The following ZNF577 variants were observed in gnomAD, a reference collection of about 807,000 sequenced individuals.
The protein encoded by ZNF577 is zinc finger protein 577.
Under a neutral mutation model 13.9 loss-of-function variants are expected in ZNF577, and 14 were observed. The observed-to-expected ratio is 1.00, with a 90% CI of 0.66 to 1.57. ZNF577 has a LOEUF of 1.57. ZNF577 is among the 40% of genes most tolerant of loss of function. The pLI, the probability that ZNF577 is intolerant of heterozygous loss-of-function variation, is 0.00. For synonymous variants in ZNF577, 203 were observed against 202.9 expected, an observed-to-expected ratio of 1.00 and a Z score of 0.00; for missense variants, 555 against 579.2, an observed-to-expected ratio of 0.96 and a Z score of 0.43.
chr19:51,821,791 C>T (rs1367337301), intron 9 of ZNF577, among the ~76,000 whole-genome samples: 1 of 151,470 alleles, frequency 6.6e-6, no homozygotes, highest in Non-Finnish European at 1.5e-5. Context: ...AAAAAAAAAC[C>T]TACAAAAACC....
downstream of ZNF577, among the ~76,000 whole-genome samples, chr19:51,864,881 GAGA>G (rs767514908): frequency 1.3e-5 from 2 of 152,306 alleles, no homozygotes; most frequent in Non-Finnish European, 2.9e-5. Context: ...AAGGCTTTGG[GAGA>G]AGGAGATGCC....
At chr19:51,840,983 A>G (rs1028551732) in intron 8 of ZNF577, 3 of 152,144 alleles carry the variant, frequency 2.0e-5, no homozygotes, top group Non-Finnish European at 2.9e-5. Flanking sequence ...TTTTCTGTCT[A>G]TATCTCCTGC....
intron 5 of ZNF577, among the ~76,000 whole-genome samples, chr19:51,855,431 T>C (rs1034053346): frequency 1.3e-5 from 2 of 150,686 alleles, no homozygotes; most frequent in Admixed American, 1.3e-4. Flanking sequence ...TCAAGCAGTT[T>C]GTAAGTCTAC....
rs200889855 is a variant in ZNF577 at position 51,878,386 on chromosome 19, T to C, written c.187+3A>G. 90 of 1,613,858 alleles carry C rather than the reference T, an allele frequency of 5.6e-5. No individual in the cohort carries two copies. Among genetic ancestry groups the C allele is most frequent in the Non-Finnish European group, 7.6e-5 (90 of 1,179,768 alleles). ...AGGTAAGTGACGGCAATGCTGTCCTTACCTATTGATACTAGGTTGATGTAG... is the reference window on the plus strand; with the variant it reads ...AGGTAAGTGACGGCAATGCTGTCCTCACCTATTGATACTAGGTTGATGTAG... On this transcript the variant is annotated splice_donor_region_variant and intron_variant, in intron 4 of 5. Coordinates refer to ENST00000638348, the MANE Select transcript of ZNF577 (RefSeq NM_001370449.1).
chr19:51,881,517 C>T (rs1464298501), intron 1 of ZNF577, among the ~76,000 whole-genome samples: 1 of 152,150 alleles, frequency 6.6e-6, no homozygotes, highest in African/African-American at 2.4e-5. Context: ...CTGAGGCTTG[C>T]TGAGACAACG....
intron 5 of ZNF577, chr19:51,860,937 G>A (rs2122602071): frequency 2.4e-6 from 1 of 419,264 alleles, no homozygotes; most frequent in Non-Finnish European, 4.7e-6. Flanking sequence ...TAGCTTTCCT[G>A]CATTCCCTCC....
chr19:51,856,537 C>T (rs1161173741), intron 5 of ZNF577, among the ~76,000 whole-genome samples: 1 of 152,202 alleles, frequency 6.6e-6, no homozygotes, highest in Non-Finnish European at 1.5e-5. Context: ...GCCTCTACAT[C>T]GCTAAGTCAA....
At position 51,873,260 on chromosome 19, in the gene ZNF577, A is replaced by T. The variant is rs2084694632; in HGVS notation, c.730T>A (p.Cys244Ser). The T allele has an allele frequency of 2.5e-6, 4 of 1,613,056 alleles. No homozygotes were observed. The East Asian group carries it at 8.9e-5, about 36-fold the overall frequency. ...RTHTGEKPYR[C>S]SKCGKAFSRK... ...CTGAAGGCTTTTCCGCATTTGCTGC[A>T]TCTGTAGGGTTTCTCTCCTGTATGG... Residue 244 changes from cysteine to serine, a missense_variant, in exon 6 of 6, where the codon TGC becomes AGC. Physicochemically the swap from Cys to Ser is moderately radical, Grantham distance 112. Transcript: ENST00000638348.
At chr19:51,865,492 C>T (rs888429784), downstream of ZNF577, among the ~76,000 whole-genome samples, 5 of 152,198 alleles carry the variant, frequency 3.3e-5, no homozygotes, top group African/African-American at 1.2e-4. Context: ...ATATGATTCA[C>T]TCAGGTCTGT....
At chr19:51,859,428 T>C (rs950131038) in intron 5 of ZNF577, among the ~76,000 whole-genome samples, 2 of 152,192 alleles carry the variant, frequency 1.3e-5, no homozygotes, top group African/African-American at 4.8e-5. Flanking sequence ...ACCAAAGGAA[T>C]GGCATATTAT....
In ZNF577 at chr19:51,875,365, A is replaced by C. The variant is rs1483835948; in HGVS notation, c.284-1659T>G. ...GCAACAAAAGCAAAACTCTGTCACA[A>C]AAAAAAAAAAAAAAAAAAAGAGAGA... On this transcript the variant is annotated intron_variant, in intron 5 of 5. Coordinates refer to ENST00000638348, the MANE Select transcript of ZNF577 (RefSeq NM_001370449.1). Among the ~76,000 whole-genome samples the C allele has an allele frequency of 6.0e-5, 7 of 116,564 alleles. No individual in the cohort carries two copies. In the Admixed American group the frequency reaches 6.5e-4, roughly 11 times the overall value. 76.5% of individuals were successfully genotyped at this position (116,564 alleles called of 152,430 possible).
chr19:51,851,153 T>G (rs1301054959), intron 5 of ZNF577, among the ~76,000 whole-genome samples: 1 of 152,190 alleles, frequency 6.6e-6, no homozygotes, highest in East Asian at 1.9e-4. Context: ...GATAAATATT[T>G]GAAAAATAGC....
In ZNF577 at chr19:51,879,070, A is replaced by C. The variant is rs571937968; in HGVS notation, c.61-555T>G. 9.9e-5 allele frequency among the ~76,000 whole-genome samples: 15 copies of C among 152,112 alleles called. No individual in the cohort carries two copies. In the South Asian group the frequency reaches 2.9e-3, roughly 29 times the overall value. ...CGGGAGATTAAGACTATCCTGGCTA[A>C]CACAGTGAAACCCCATCTCCACTAA... is the stretch of plus-strand genomic sequence containing the variant. On this transcript the variant is annotated intron_variant, in intron 3 of 5. Transcript: ENST00000638348.
chr19:51,820,664 C>A (rs2084181704), intron 9 of ZNF577, among the ~76,000 whole-genome samples: 1 of 152,168 alleles, frequency 6.6e-6, no homozygotes, highest in African/African-American at 2.4e-5. Context: ...TAGAGAAAAT[C>A]TGAGTCTGTT....
At chr19:51,812,614 A>T (rs1441059738) in intron 9 of ZNF577, among the ~76,000 whole-genome samples, 2 of 152,172 alleles carry the variant, frequency 1.3e-5, no homozygotes, top group Admixed American at 1.3e-4. Flanking sequence ...CAGGCTACCT[A>T]GGGGTACCCT....
intron 6 of ZNF577, among the ~76,000 whole-genome samples, chr19:51,843,617 T>C (rs929521224): frequency 6.6e-6 from 1 of 152,272 alleles, no homozygotes; most frequent in African/African-American, 2.4e-5. Flanking sequence ...TAATTCATTA[T>C]ACATATTACA....
At chr19:51,828,937 C>T (rs775175348) in intron 9 of ZNF577, among the ~76,000 whole-genome samples, 1 of 152,138 alleles carries the variant, frequency 6.6e-6, no homozygotes, top group Non-Finnish European at 1.5e-5. Context: ...TCGCTATGAA[C>T]AGTAGTCACT....
intron 9 of ZNF577, among the ~76,000 whole-genome samples, chr19:51,816,085 T>C (rs2084134755): frequency 6.8e-6 from 1 of 145,986 alleles, no homozygotes; most frequent in African/African-American, 2.5e-5. Flanking sequence ...AAAAAACCCT[T>C]GAGAAATGAG....
downstream of ZNF577, chr19:51,862,107 A>C (rs2084509677): frequency 6.6e-6 from 1 of 152,038 alleles, no homozygotes. Context: ...GATATACCTT[A>C]CTGGAGAAGG....
Sources: allele counts gnomAD v4.1 joint callset (sites outside exome capture counted in the v4.1 genomes callset), GRCh38; gene constraint gnomAD v4.1.1; transcripts MANE v1.5; gene names NCBI Gene and HGNC (gene_info 2026-07-23, HGNC 2026-07-21).